PKNOX2: variants seen among roughly 807,000 people sequenced by gnomAD.
PKNOX2 encodes the protein PBX/knotted 1 homeobox 2.
Under a neutral mutation model 53.1 loss-of-function variants are expected in PKNOX2, and 14 were observed. The ratio of observed to expected loss-of-function variants is 0.26; its 90% CI spans 0.17 to 0.41. PKNOX2 has a LOEUF of 0.41. Among genes scored for constraint, PKNOX2 ranks in the 10% least tolerant of loss-of-function variants. PKNOX2 has a pLI of 1.00. For missense variants in PKNOX2, 496 were observed against 602.8 expected (o/e 0.82, Z 1.85); for synonymous variants, 257 against 242.8 (o/e 1.06, Z -0.54).
chr11:125,362,525 G>A (rs566957293), intron 4 of PKNOX2, among the ~76,000 whole-genome samples: 8 of 151,994 alleles, frequency 5.3e-5, no homozygotes, highest in East Asian at 3.9e-4. Context: ...AGGCACCACC[G>A]CATCCAGCCA....
chr11:125,264,451 G>A (rs1054099352), intron 2 of PKNOX2, among the ~76,000 whole-genome samples: 1 of 152,098 alleles, frequency 6.6e-6, no homozygotes, highest in African/African-American at 2.4e-5. Context: ...GGAAACTGAG[G>A]TCAGGGATAG....
At chr11:125,399,124 C>T (rs150553115) in intron 7 of PKNOX2, among the ~76,000 whole-genome samples, 6 of 152,360 alleles carry the variant, frequency 3.9e-5, no homozygotes, top group South Asian at 2.1e-4. Flanking sequence ...AAGATACACT[C>T]GGTATCACAT....
intron 1 of PKNOX2, among the ~76,000 whole-genome samples, chr11:125,196,128 A>T (rs1434516815): frequency 6.6e-6 from 1 of 152,142 alleles, no homozygotes; most frequent in East Asian, 1.9e-4. Flanking sequence ...CGACTTTTGC[A>T]CACAAAGCAT....
At chr11:125,281,467 G>T (rs1193292824) in intron 2 of PKNOX2, among the ~76,000 whole-genome samples, 1 of 152,178 alleles carries the variant, frequency 6.6e-6, no homozygotes, top group Non-Finnish European at 1.5e-5. Flanking sequence ...TGATAGGCAG[G>T]CCTGGATTTG....
At chr11:125,331,311 C>T (rs905022048) in intron 2 of PKNOX2, among the ~76,000 whole-genome samples, 4 of 152,204 alleles carry the variant, frequency 2.6e-5, no homozygotes, top group Non-Finnish European at 5.9e-5. Flanking sequence ...ACTCTTCCTC[C>T]CTGCTGCCCT....
intron 10 of PKNOX2, among the ~76,000 whole-genome samples, chr11:125,417,882 C>G (rs1955975222): frequency 6.6e-6 from 1 of 152,162 alleles, no homozygotes; most frequent in African/African-American, 2.4e-5. Context: ...ATCTTCCATT[C>G]AGCCACAAGG....
At chr11:125,401,810 C>T (rs1390228918) in intron 7 of PKNOX2, among the ~76,000 whole-genome samples, 1 of 151,982 alleles carries the variant, frequency 6.6e-6, no homozygotes, top group African/African-American at 2.4e-5. Context: ...CACACGCGGG[C>T]ACATGCATTC....
At chr11:125,409,055 G>A (rs1216266591) in intron 7 of PKNOX2, among the ~76,000 whole-genome samples, 2 of 152,164 alleles carry the variant, frequency 1.3e-5, no homozygotes, top group African/African-American at 4.8e-5. Context: ...TTCAAGCCCC[G>A]TCTTCAGATG....
At chr11:125,345,607 C>T (rs146117777) in intron 3 of PKNOX2, among the ~76,000 whole-genome samples, 2,393 of 152,288 alleles carry the variant, frequency 0.016, 21 homozygotes, top group Middle Eastern at 0.038. Context: ...CACAGAGTCA[C>T]ATGAAATCAG....
At chr11:125,191,771 G>A (rs1956892694) in intron 1 of PKNOX2, among the ~76,000 whole-genome samples, 1 of 152,190 alleles carries the variant, frequency 6.6e-6, no homozygotes, top group South Asian at 2.1e-4. Context: ...GCTTTGGGTT[G>A]TGATGAAACC....
intron 10 of PKNOX2, among the ~76,000 whole-genome samples, chr11:125,425,884 C>G (rs1488858068): frequency 7.2e-6 from 1 of 138,632 alleles, no homozygotes; most frequent in East Asian, 2.2e-4. Context: ...TGCTACTTAC[C>G]CCACAGCCCC....
chr11:125,347,358 A>G (rs1951033697), intron 3 of PKNOX2, among the ~76,000 whole-genome samples: 1 of 152,216 alleles, frequency 6.6e-6, no homozygotes, highest in African/African-American at 2.4e-5. Flanking sequence ...ACACTGGCCC[A>G]ATTACTGCCT....
chr11:125,339,181 G>T (rs1321583222), intron 3 of PKNOX2, among the ~76,000 whole-genome samples: 1 of 152,182 alleles, frequency 6.6e-6, no homozygotes, highest in Non-Finnish European at 1.5e-5. Flanking sequence ...GTAGAACACA[G>T]CTCCGTCCTC....
intron 3 of PKNOX2, among the ~76,000 whole-genome samples, chr11:125,349,083 C>A (rs1396771879): frequency 6.6e-6 from 1 of 152,228 alleles, no homozygotes; most frequent in African/African-American, 2.4e-5. Context: ...GCCAGAGTTC[C>A]AGGGAAGGCT....
intron 4 of PKNOX2, among the ~76,000 whole-genome samples, chr11:125,354,173 C>G (rs979457336): frequency 5.3e-5 from 8 of 152,130 alleles, no homozygotes; most frequent in Non-Finnish European, 1.2e-4. Flanking sequence ...CCCCAGCTTC[C>G]TAGGGGGAGA....
At chr11:125,363,230 T>C (rs1272606611) in intron 4 of PKNOX2, among the ~76,000 whole-genome samples, 1 of 152,186 alleles carries the variant, frequency 6.6e-6, no homozygotes, top group African/African-American at 2.4e-5. Flanking sequence ...AGAAATATTT[T>C]ATTAGCACGG....
intron 10 of PKNOX2, among the ~76,000 whole-genome samples, chr11:125,416,302 C>CAAAAAAAAAA (rs61354494): frequency 1.4e-5 from 1 of 70,456 alleles, no homozygotes; most frequent in Non-Finnish European, 2.5e-5. Flanking sequence ...GACGCCGTCT[C>CAAAAAAAAAA]AAAAAAAAAA....
chr11:125,169,873 T>C (rs1955151588), intron 1 of PKNOX2, among the ~76,000 whole-genome samples: 1 of 151,928 alleles, frequency 6.6e-6, no homozygotes, highest in Non-Finnish European at 1.5e-5. Context: ...CTGCTGTGAC[T>C]CCAAAAACCA....
rs1955462045 is a variant in PKNOX2, at chr11:125,410,809, T to C, written c.749T>C (p.Val250Ala). 1.2e-6 allele frequency: 2 copies of C among 1,614,018 alleles called. No homozygotes were observed. The highest frequency in any genetic ancestry group is 1.7e-6 in the Non-Finnish European group (2 of 1,179,974). ...GGALYQPVTM[V>A]TSQGQVVTQA... ...GCCTTATACCAACCGGTTACCATGG[T>C]AACCTCCCAGGGTCAGGTGGTCACC... Residue 250 changes from valine (V) to alanine (A), a missense_variant, in exon 9 of 13, where the codon GTA becomes GCA. By Grantham distance (64) the Val-to-Ala change is moderately conservative. Coordinates refer to ENST00000298282, the MANE Select transcript of PKNOX2 (RefSeq NM_001382323.2).
Sources: gnomAD v4.1 joint callset for allele counts (sites outside exome capture counted in the v4.1 genomes callset) on GRCh38, gnomAD v4.1.1 for gene constraint, MANE v1.5 for transcripts, NCBI Gene and HGNC (gene_info 2026-07-23, HGNC 2026-07-21) for gene names.